The following CNTN4 variants were observed in gnomAD, a reference collection of about 807,000 sequenced individuals.
The protein encoded by CNTN4 is contactin 4, also known as contactin-4.
A neutral mutation model predicts 122.5 loss-of-function variants in CNTN4; 77 were observed. The ratio of observed to expected loss-of-function variants is 0.63; its 90% CI spans 0.52 to 0.76. CNTN4 has a LOEUF of 0.76. Among genes scored for constraint, CNTN4 ranks in the 30% least tolerant of loss-of-function variants. The pLI is 0.00. For synonymous variants in CNTN4, 512 were observed against 447.0 expected (o/e 1.15, Z -1.83); for missense variants, 1,256 against 1,259.1 (o/e 1.00, Z 0.04).
At chr3:2,222,596 A>G (rs931314750) in intron 2 of CNTN4, among the ~76,000 whole-genome samples, 2 of 151,444 alleles carry the variant, frequency 1.3e-5, no homozygotes, top group East Asian at 1.9e-4. Context: ...TGAATTTTAT[A>G]TTATATTAAT....
chr3:2,779,177 G>T (rs1023622407), intron 6 of CNTN4, among the ~76,000 whole-genome samples: 1 of 152,094 alleles, frequency 6.6e-6, no homozygotes, highest in Admixed American at 6.6e-5. Context: ...ATAACATCAC[G>T]ATGTTGAAAT....
At chr3:2,477,819 C>G (rs1310430236) in intron 3 of CNTN4, among the ~76,000 whole-genome samples, 1 of 152,044 alleles carries the variant, frequency 6.6e-6, no homozygotes, top group African/African-American at 2.4e-5. Context: ...ATGAGCTGTG[C>G]GAAAATGCTG....
chr3:2,961,026 C>T (rs1168445220), intron 13 of CNTN4, among the ~76,000 whole-genome samples: 5 of 60,036 alleles, frequency 8.3e-5, no homozygotes, highest in Non-Finnish European at 1.9e-4. Context: ...GTCAGGAGAT[C>T]GAGACCATCC....
chr3:2,529,486 A>G (rs1369187958), intron 3 of CNTN4, among the ~76,000 whole-genome samples: 1 of 152,142 alleles, frequency 6.6e-6, no homozygotes, highest in South Asian at 2.1e-4. Flanking sequence ...GTATTGCTAG[A>G]TAATGTTTAT....
intron 3 of CNTN4, among the ~76,000 whole-genome samples, chr3:2,422,988 T>G (rs1015680117): frequency 2.6e-5 from 4 of 152,354 alleles, no homozygotes; most frequent in Admixed American, 1.3e-4. Context: ...AGCATTGGCT[T>G]TAGTTGCCCT....
intron 4 of CNTN4, among the ~76,000 whole-genome samples, chr3:2,708,842 G>A (rs2086917707): frequency 1.3e-5 from 2 of 152,014 alleles, no homozygotes; most frequent in African/African-American, 4.8e-5. Flanking sequence ...CACAAATGCA[G>A]TTTTTATGTT....
chr3:2,667,221 T>C (rs2084220810), intron 4 of CNTN4, among the ~76,000 whole-genome samples: 1 of 152,174 alleles, frequency 6.6e-6, no homozygotes. Flanking sequence ...TGTAAAAGTG[T>C]TCCTATTTCT....
chr3:2,910,827 A>G (rs2094291688), intron 12 of CNTN4, among the ~76,000 whole-genome samples: 1 of 152,214 alleles, frequency 6.6e-6, no homozygotes, highest in African/African-American at 2.4e-5. Flanking sequence ...GGGGTGATTC[A>G]TCAAGATAGT....
At chr3:2,810,993 A>G (rs897335032) in intron 6 of CNTN4, among the ~76,000 whole-genome samples, 1 of 150,990 alleles carries the variant, frequency 6.6e-6, no homozygotes, top group Non-Finnish European at 1.5e-5. Flanking sequence ...AGTGATGTTC[A>G]TGGCTGCAGA....
Position 2,599,578 on chromosome 3 carries a change from A to G in CNTN4, c.55+28020A>G, listed in dbSNP as rs1379167742. Among the ~76,000 whole-genome samples the G allele has an allele frequency of 3.9e-5, 6 of 152,342 alleles. No individual in the cohort carries two copies. In the East Asian group the frequency reaches 1.2e-3, roughly 29 times the overall value. On this transcript the variant is annotated intron_variant, in intron 4 of 24. Transcript: ENST00000418658. ...GTCAGAAGACAGAAGACACTCAGAC[A>G]GCCCATCTGCTCAGAGTGTGGCTTA...
chr3:2,902,832 G>C, intron 11 of CNTN4, 44 bp from the exon 12 acceptor site: 1 of 1,596,118 alleles, frequency 6.3e-7, no homozygotes, highest in Admixed American at 1.7e-5. Context: ...TAAAGTCTCA[G>C]TTGTAGAAGG....
At chr3:2,953,682 C>T (rs993650203) in intron 13 of CNTN4, among the ~76,000 whole-genome samples, 15 of 152,150 alleles carry the variant, frequency 9.9e-5, no homozygotes, top group African/African-American at 3.6e-4. Flanking sequence ...TCAACACCTA[C>T]CTAGGTCTTT....
At chr3:2,289,342 A>G (rs930322213) in intron 2 of CNTN4, among the ~76,000 whole-genome samples, 5 of 152,178 alleles carry the variant, frequency 3.3e-5, no homozygotes, top group African/African-American at 1.2e-4. Flanking sequence ...TTCTCATTGC[A>G]TAGAGATATC....
rs898283560 is a variant in CNTN4 at position 2,918,737 on chromosome 3, A to G, written c.1208-6892A>G. Among the ~76,000 whole-genome samples, 6 of 152,352 alleles carry G rather than the reference A, an allele frequency of 3.9e-5. No individual in the cohort carries two copies. In the South Asian group the frequency reaches 6.2e-4, roughly 16 times the overall value. ...ACCAGTTCAGATGATTTAGTAGTAT[A>G]AACAGCCCATGTGGTATTTCTTGGA... On this transcript the variant is annotated intron_variant, in intron 12 of 24. Transcript: ENST00000418658.
chr3:2,827,484 A>G (rs1229627009), intron 7 of CNTN4, among the ~76,000 whole-genome samples: 1 of 152,232 alleles, frequency 6.6e-6, no homozygotes, highest in Non-Finnish European at 1.5e-5. Context: ...AGAATTTCTC[A>G]TCTTTGGAGA....
intron 6 of CNTN4, among the ~76,000 whole-genome samples, chr3:2,781,780 A>C (rs71311724): frequency 8.4e-6 from 1 of 118,896 alleles, no homozygotes; most frequent in African/African-American, 4.1e-5. Flanking sequence ...GCTGGAGGGC[A>C]GTAGCGCGAT....
At chr3:2,476,182 C>T (rs1048088422) in intron 3 of CNTN4, among the ~76,000 whole-genome samples, 2 of 152,166 alleles carry the variant, frequency 1.3e-5, no homozygotes, top group Non-Finnish European at 2.9e-5. Context: ...TAATGGTATC[C>T]TTGTGGAAAT....
chr3:2,708,476 G>T (rs2086878582), intron 4 of CNTN4, among the ~76,000 whole-genome samples: 1 of 152,170 alleles, frequency 6.6e-6, no homozygotes, highest in African/African-American at 2.4e-5. Context: ...AGATTTTAGA[G>T]AATTAGGTTA....
intron 2 of CNTN4, among the ~76,000 whole-genome samples, chr3:2,333,195 A>G (rs968380926): frequency 1.3e-5 from 2 of 152,212 alleles, no homozygotes; most frequent in Non-Finnish European, 2.9e-5. Context: ...TCTTAGATTC[A>G]TAGATCCCTA....
Sources: allele counts gnomAD v4.1 joint callset (sites outside exome capture counted in the v4.1 genomes callset), GRCh38; gene constraint gnomAD v4.1.1; transcripts MANE v1.5; gene names NCBI Gene and HGNC (gene_info 2026-07-23, HGNC 2026-07-21).